The following STPG2 variants were observed in gnomAD, a reference collection of about 807,000 sequenced individuals.
STPG2 encodes the protein sperm-tail PG-rich repeat-containing protein 2.
In STPG2, 56 loss-of-function variants were observed where a neutral mutation model predicts 54.2. The ratio of observed to expected loss-of-function variants is 1.03; its 90% CI spans 0.83 to 1.29. STPG2 has a LOEUF of 1.29. Ranked by LOEUF, STPG2 falls within the 50% of genes most tolerant of loss-of-function variation. The pLI is 0.00. For missense variants in STPG2, 596 were observed against 544.9 expected (o/e 1.09, Z -0.93); for synonymous variants, 200 against 181.8 (o/e 1.10, Z -0.81).
At chr4:97,892,015 T>G (rs1223411118) in intron 8 of STPG2, among the ~76,000 whole-genome samples, 2 of 152,052 alleles carry the variant, frequency 1.3e-5, no homozygotes, top group Non-Finnish European at 2.9e-5. Context: ...CCCACTCCAG[T>G]GCTCCTCACT....
At chr4:98,073,659 G>A (rs559434954) in intron 5 of STPG2, among the ~76,000 whole-genome samples, 17 of 152,204 alleles carry the variant, frequency 1.1e-4, no homozygotes, top group South Asian at 4.1e-4. Flanking sequence ...TCTGGAAGGC[G>A]GAGGCTGCAG....
At position 98,138,085 on chromosome 4, in the gene STPG2, G is replaced by A. The variant is rs865933286; in HGVS notation, c.110-3626C>T. 5.3e-5 allele frequency among the ~76,000 whole-genome samples: 8 copies of A among 151,968 alleles called. No individual in the cohort carries two copies. In the South Asian group the frequency reaches 6.2e-4, roughly 12 times the overall value. ...AACTAGTCATCCATTCTGTAATAGT[G>A]AATGTTTTATTATGTATGGGAGACA... On this transcript the variant is annotated intron_variant, in intron 1 of 10. Transcript: ENST00000295268.
At chr4:98,026,666 G>T (rs553501153) in intron 5 of STPG2, among the ~76,000 whole-genome samples, 1 of 152,248 alleles carries the variant, frequency 6.6e-6, no homozygotes, top group Non-Finnish European at 1.5e-5. Context: ...ATAAACTCCG[G>T]TCCACTGACT....
At chr4:97,730,130 G>GT (rs1407136337) in intron 9 of STPG2, among the ~76,000 whole-genome samples, 1 of 152,126 alleles carries the variant, frequency 6.6e-6, no homozygotes, top group Admixed American at 6.5e-5. Flanking sequence ...GCAGTAGGCA[G>GT]TTTTTTTAAC....
At chr4:97,842,292 T>C (rs2149122878) in intron 8 of STPG2, among the ~76,000 whole-genome samples, 1 of 151,940 alleles carries the variant, frequency 6.6e-6, no homozygotes, top group East Asian at 1.9e-4. Flanking sequence ...CACCATTTTC[T>C]TTTTGTCTGC....
chr4:97,664,601 C>T (rs1722466040), intron 10 of STPG2, among the ~76,000 whole-genome samples: 1 of 152,138 alleles, frequency 6.6e-6, no homozygotes, highest in Admixed American at 6.5e-5. Flanking sequence ...TTTGATCCAT[C>T]TTAGGCAAGG....
chr4:97,445,095 T>C (rs1729187668), intron 4 of STPG2, among the ~76,000 whole-genome samples: 2 of 152,114 alleles, frequency 1.3e-5, no homozygotes, highest in Admixed American at 6.6e-5. Context: ...TCAACAGATA[T>C]AAAATTGAAA....
At chr4:97,992,506 G>C (rs1209011912) in intron 5 of STPG2, among the ~76,000 whole-genome samples, 17 of 152,106 alleles carry the variant, frequency 1.1e-4, no homozygotes. Context: ...CTATAGCCTT[G>C]TAGTATAGTT....
At position 97,971,244 on chromosome 4, in the gene STPG2, C is replaced by A. The variant is rs190374711; in HGVS notation, c.933+1036G>T. ...TTAATCATTGTGGAAGACAGTGTGGCAATTCCTCAAGGATCTAGAACTAGA... is the reference window on the plus strand; with the variant it reads ...TTAATCATTGTGGAAGACAGTGTGGAAATTCCTCAAGGATCTAGAACTAGA... On this transcript the variant is annotated intron_variant, in intron 7 of 10. Transcript: ENST00000295268. 2.9e-3 allele frequency among the ~76,000 whole-genome samples: 439 copies of A among 152,218 alleles called. 3 individuals are homozygous for A. The highest frequency in any genetic ancestry group is 1.0e-2 in the African/African-American group (414 of 41,526).
At position 97,863,161 on chromosome 4, in the gene STPG2, A is replaced by G. The variant is rs530975404; in HGVS notation, c.1045-22229T>C. On this transcript the variant is annotated intron_variant, in intron 8 of 10. Coordinates refer to ENST00000295268, the MANE Select transcript of STPG2 (RefSeq NM_174952.3). ...AAAAAAATCAATGAATCCAGGAGCC[A>G]GTTTTTTGAAAAGATCAATGAAATT... Among the ~76,000 whole-genome samples the G allele has an allele frequency of 2.4e-4, 36 of 152,164 alleles. No individual in the cohort carries two copies. The South Asian group carries it at 7.1e-3, about 30-fold the overall frequency.
At chr4:97,923,645 C>T (rs1324186393) in intron 8 of STPG2, among the ~76,000 whole-genome samples, 2 of 149,332 alleles carry the variant, frequency 1.3e-5, no homozygotes, top group African/African-American at 5.0e-5. Context: ...CTGTGTCTAG[C>T]TAATCTGTTG....
chr4:97,703,916 C>G lies in STPG2; in HGVS notation c.1320+8783G>C, dbSNP rs541093053. Reference sequence around the variant, plus strand: ...AAACTGAGGAGCAAGGAGAGCCAGTCTGAGTCCCAAAACTGAAGAACTTGG... The same window carrying G: ...AAACTGAGGAGCAAGGAGAGCCAGTGTGAGTCCCAAAACTGAAGAACTTGG... On this transcript the variant is annotated intron_variant, in intron 10 of 10. Transcript: ENST00000295268. 5.3e-5 allele frequency among the ~76,000 whole-genome samples: 8 copies of G among 151,608 alleles called. No homozygotes were observed. The South Asian group carries it at 1.5e-3, about 28-fold the overall frequency.
chr4:97,873,114 C>T (rs1049006197), intron 8 of STPG2, among the ~76,000 whole-genome samples: 17 of 151,262 alleles, frequency 1.1e-4, no homozygotes, highest in South Asian at 8.3e-4. Context: ...TATATCCTCA[C>T]GTACCCACAC....
At position 97,981,181 on chromosome 4, in the gene STPG2, G is replaced by A. The variant is rs1734661673; in HGVS notation, c.750C>T (p.Asp250=). ...FGQSAVRFTQ[D]IRTEEMPGPG... ...AACCTGGCATTTCCTCTGTCCTGAT[G>A]TCCTGTGTGAATCGAACAGCACTTT... Residue 250 remains aspartate, a synonymous_variant, in exon 6 of 11, where the codon GAC becomes GAT. Transcript: ENST00000295268. 6.2e-7 allele frequency: 1 copy of A among 1,613,800 alleles called. No individual in the cohort carries two copies. The highest frequency in any genetic ancestry group is 1.3e-5 in the African/African-American group (1 of 74,912).
chr4:98,076,064 G>C (rs566912846), intron 5 of STPG2, among the ~76,000 whole-genome samples: 5 of 152,236 alleles, frequency 3.3e-5, no homozygotes, highest in Non-Finnish European at 7.4e-5. Context: ...CTAACATGGT[G>C]AAACTCCATC....
rs529759993 is a variant in STPG2, at chr4:97,567,707, T to C, written c.1321-8590A>G. ...ATGAATTGATATGGAGGGTTCTTCA[T>C]TAACATGTGTAAAACATCAAAGGAC... is the stretch of plus-strand genomic sequence containing the variant. On this transcript the variant is annotated intron_variant, in intron 10 of 10. Transcript: ENST00000295268. Among the ~76,000 whole-genome samples the C allele has an allele frequency of 4.1e-3, 629 of 152,032 alleles. 3 individuals carry two copies. Among genetic ancestry groups the C allele is most frequent in the South Asian group, 0.02 (98 of 4,826 alleles).
intron 5 of STPG2, among the ~76,000 whole-genome samples, chr4:98,095,617 T>A (rs1330016090): frequency 2.0e-5 from 3 of 152,090 alleles, no homozygotes; most frequent in Admixed American, 6.5e-5. Flanking sequence ...AGCAAGAAGA[T>A]AAAATGATTA....
chr4:97,673,355 A>C (rs971922610), intron 10 of STPG2, among the ~76,000 whole-genome samples: 3 of 152,234 alleles, frequency 2.0e-5, no homozygotes, highest in Admixed American at 6.5e-5. Flanking sequence ...AGAACTTTAA[A>C]AAATAAATGT....
At chr4:98,056,788 T>G (rs1045850648) in intron 5 of STPG2, among the ~76,000 whole-genome samples, 2 of 152,106 alleles carry the variant, frequency 1.3e-5, no homozygotes. Context: ...GTTCTCATGA[T>G]AGTGTGTAGG....
Sources: gnomAD v4.1 joint callset for allele counts (sites outside exome capture counted in the v4.1 genomes callset) on GRCh38, gnomAD v4.1.1 for gene constraint, MANE v1.5 for transcripts, NCBI Gene and HGNC (gene_info 2026-07-23, HGNC 2026-07-21) for gene names.